Variants in CEP85L observed in about 807,000 individuals in gnomAD.
The protein encoded by CEP85L is centrosomal protein 85L, also known as centrosomal protein of 85 kDa-like.
CEP85L carries 60 observed loss-of-function variants against 100.3 expected under a neutral mutation model. The observed-to-expected ratio is 0.60, with a 90% CI of 0.49 to 0.74. The LOEUF (loss-of-function observed/expected upper bound fraction) is 0.74. CEP85L is among the 30% of genes least tolerant of loss of function. The pLI is 0.00. For synonymous variants in CEP85L, 319 were observed against 322.7 expected (o/e 0.99, Z 0.12); for missense variants, 973 against 936.2 (o/e 1.04, Z -0.51).
chr6:118,545,544 C>T (rs1282154739), intron 3 of CEP85L, among the ~76,000 whole-genome samples: 1 of 152,124 alleles, frequency 6.6e-6, no homozygotes, highest in Non-Finnish European at 1.5e-5. Flanking sequence ...GCTGAGATCG[C>T]ACCATTCACT....
At chr6:118,542,142 A>G (rs1328355827) in intron 3 of CEP85L, among the ~76,000 whole-genome samples, 1 of 152,196 alleles carries the variant, frequency 6.6e-6, no homozygotes, top group African/African-American at 2.4e-5. Flanking sequence ...AAATTCACAA[A>G]TTATGGTGTA....
At chr6:118,584,147 C>A (rs1278126327) in intron 2 of CEP85L, among the ~76,000 whole-genome samples, 1 of 152,164 alleles carries the variant, frequency 6.6e-6, no homozygotes, top group Admixed American at 6.5e-5. Context: ...TGATGATATT[C>A]TGCTATGTGC....
At chr6:118,669,277 A>G (rs1050058812) in intron 1 of CEP85L, among the ~76,000 whole-genome samples, 1 of 152,182 alleles carries the variant, frequency 6.6e-6, no homozygotes, top group Non-Finnish European at 1.5e-5. Context: ...GTTGCTTACC[A>G]ACTCAGATCT....
At chr6:118,561,645 T>A (rs1779229997) in intron 3 of CEP85L, among the ~76,000 whole-genome samples, 1 of 152,138 alleles carries the variant, frequency 6.6e-6, no homozygotes. Context: ...TATATTTTAA[T>A]TGGTTAAGAA....
chr6:118,558,575 C>T (rs552567662), intron 3 of CEP85L, among the ~76,000 whole-genome samples: 2 of 149,578 alleles, frequency 1.3e-5, no homozygotes, highest in South Asian at 4.3e-4. Flanking sequence ...CATGGTGTGC[C>T]CCATCAAAAA....
chr6:118,555,794 C>T (rs1403474510), intron 3 of CEP85L, among the ~76,000 whole-genome samples: 1 of 151,958 alleles, frequency 6.6e-6, no homozygotes, highest in Non-Finnish European at 1.5e-5. Context: ...GCTCCTCTGC[C>T]TCCTCCCATC....
intron 5 of CEP85L, among the ~76,000 whole-genome samples, chr6:118,503,903 T>G (rs967984030): frequency 1.1e-4 from 17 of 149,008 alleles, no homozygotes; most frequent in African/African-American, 4.2e-4. Flanking sequence ...ATAACATCAA[T>G]GCTGAATCCA....
At chr6:118,616,495 G>A (rs1344631019) in intron 2 of CEP85L, among the ~76,000 whole-genome samples, 1 of 151,658 alleles carries the variant, frequency 6.6e-6, no homozygotes, top group Non-Finnish European at 1.5e-5. Flanking sequence ...TAGCACAACT[G>A]CACGCCAGCC....
At chr6:118,649,906 A>G (rs183438819) in intron 1 of CEP85L, among the ~76,000 whole-genome samples, 1 of 152,228 alleles carries the variant, frequency 6.6e-6, no homozygotes, top group Non-Finnish European at 1.5e-5. Context: ...TAAAATGTAC[A>G]TATGTCTTTT....
At chr6:118,709,205 G>A (rs1001579859) in intron 1 of CEP85L, among the ~76,000 whole-genome samples, 7 of 152,108 alleles carry the variant, frequency 4.6e-5, no homozygotes, top group Non-Finnish European at 1.0e-4. Flanking sequence ...GAAATCATGA[G>A]AACATTCCCC....
At chr6:118,665,440 C>G (rs1018214149) in intron 1 of CEP85L, among the ~76,000 whole-genome samples, 3 of 152,050 alleles carry the variant, frequency 2.0e-5, no homozygotes, top group African/African-American at 7.2e-5. Flanking sequence ...TTCACTGCAG[C>G]CTCAACTTCC....
rs1347562216 is a variant in CEP85L, at chr6:118,651,244, T to G, written c.26A>C (p.Glu9Ala). 2 of 1,494,092 alleles carry G rather than the reference T, an allele frequency of 1.3e-6. No homozygotes were observed. The highest frequency in any genetic ancestry group is 2.5e-5 in the South Asian group (2 of 79,940). The allele number at this position is 1,494,092 out of a possible 1,614,324, so 92.6% of individuals were successfully genotyped here. MWGRFLAP[E>A]ASGRDSPGGA... ...GCCGGGGCTATCCCGGCCGCTGGCCTCCGGAGCCAGGAAGCGCCCCCACAT... is the reference window on the plus strand; with the variant it reads ...GCCGGGGCTATCCCGGCCGCTGGCCGCCGGAGCCAGGAAGCGCCCCCACAT... Residue 9 changes from glutamate to alanine, a missense_variant, in exon 1 of 13, where the codon GAG becomes GCG. Glu to Ala is a moderately radical substitution (Grantham distance 107). Coordinates refer to ENST00000368491, the MANE Select transcript of CEP85L (RefSeq NM_001042475.3).
intron 5 of CEP85L, among the ~76,000 whole-genome samples, chr6:118,505,709 TA>T (rs1378247117): frequency 6.6e-6 from 1 of 152,142 alleles, no homozygotes; most frequent in Non-Finnish European, 1.5e-5. Flanking sequence ...ATAGAGACCA[TA>T]ACAAGTTCAG....
rs116989838 is a variant in CEP85L at position 118,709,312 on chromosome 6, C to T, written c.-28+724G>A. 9.6e-4 allele frequency among the ~76,000 whole-genome samples: 146 copies of T among 152,224 alleles called. 4 individuals carry two copies. The East Asian group carries it at 0.028, about 29-fold the overall frequency. ...ATTTCCTCACTCATTAATGTTTGTCCAGAGGAAACACCCCTGCCAGTCCCT... is the reference window on the plus strand; with the variant it reads ...ATTTCCTCACTCATTAATGTTTGTCTAGAGGAAACACCCCTGCCAGTCCCT... On this transcript the variant is annotated intron_variant, in intron 1 of 13. Transcript: ENST00000368488.
chr6:118,646,920 G>A, intron 1 of CEP85L: 1 of 984,744 alleles, frequency 1.0e-6, no homozygotes, highest in Non-Finnish European at 1.2e-6. Context: ...TTATTGCTTG[G>A]CCTCAGATTA....
intron 1 of CEP85L, among the ~76,000 whole-genome samples, chr6:118,672,090 G>T (rs539063097): frequency 6.6e-6 from 1 of 152,154 alleles, no homozygotes; most frequent in African/African-American, 2.4e-5. Flanking sequence ...AGGTTGTAGT[G>T]CAGTGGTGCG....
chr6:118,567,518 C>T (rs1192819501), intron 2 of CEP85L, among the ~76,000 whole-genome samples: 1 of 151,798 alleles, frequency 6.6e-6, no homozygotes, highest in East Asian at 1.9e-4. Flanking sequence ...CCATCAAGTG[C>T]CATGTTATCA....
At chr6:118,501,983 T>C in intron 5 of CEP85L, 1 of 836,892 alleles carries the variant, frequency 1.2e-6, no homozygotes, top group Non-Finnish European at 2.0e-6. Flanking sequence ...GGAGGAAAAC[T>C]GACCAGGTGG....
At chr6:118,687,673 C>T (rs1776880575) in intron 1 of CEP85L, among the ~76,000 whole-genome samples, 2 of 152,166 alleles carry the variant, frequency 1.3e-5, no homozygotes, top group Non-Finnish European at 2.9e-5. Context: ...GTATGGGAGC[C>T]CTGTTTTCAC....
Sources: allele counts gnomAD v4.1 joint callset (sites outside exome capture counted in the v4.1 genomes callset), GRCh38; gene constraint gnomAD v4.1.1; transcripts MANE v1.5; gene names NCBI Gene and HGNC (gene_info 2026-07-23, HGNC 2026-07-21).